AP3M1: variants seen among roughly 807,000 people sequenced by gnomAD.
AP3M1 encodes adaptor related protein complex 3 subunit mu 1.
A neutral mutation model predicts 42.6 loss-of-function variants in AP3M1; 29 were observed. The ratio of observed to expected loss-of-function variants is 0.68; its 90% CI spans 0.51 to 0.93. AP3M1 has a LOEUF of 0.93. AP3M1 is among the 40% of genes least tolerant of loss of function. The pLI, the probability that AP3M1 is intolerant of heterozygous loss-of-function variation, is 0.00. For missense variants in AP3M1, 416 were observed against 510.2 expected, an observed-to-expected ratio of 0.82 and a Z score of 1.78; for synonymous variants, 178 against 175.3, an observed-to-expected ratio of 1.02 and a Z score of -0.12.
At chr10:74,135,512 T>C (rs1306101598) in intron 3 of AP3M1, among the ~76,000 whole-genome samples, 2 of 152,216 alleles carry the variant, frequency 1.3e-5, no homozygotes, top group African/African-American at 4.8e-5. Context: ...TACATGTTTA[T>C]TTTGGAAAAT....
chr10:74,143,620 T>C (rs1335227752), intron 1 of AP3M1, among the ~76,000 whole-genome samples: 1 of 152,204 alleles, frequency 6.6e-6, no homozygotes, highest in African/African-American at 2.4e-5. Flanking sequence ...AGACACTTTA[T>C]CTCATCTTAT....
At chr10:74,125,083 C>T (rs764368348) in intron 7 of AP3M1, among the ~76,000 whole-genome samples, 43 of 152,242 alleles carry the variant, frequency 2.8e-4, no homozygotes, top group Admixed American at 2.6e-4. Flanking sequence ...CAGGTTCAAG[C>T]GATGCTCCTG....
rs563781285 is a variant in AP3M1 at position 74,149,048 on chromosome 10, T to C, written c.-4+1707A>G. Among the ~76,000 whole-genome samples, 217 of 151,594 alleles carry C rather than the reference T, an allele frequency of 1.4e-3. 1 individual carries two copies. Among genetic ancestry groups the C allele is most frequent in the Non-Finnish European group, 4.4e-4 (30 of 67,874 alleles). ...CCACCACGCCCAGATAATTTTTATA[T>C]TTTTAGTAGTGACGGGGTTTCTCCA... On this transcript the variant is annotated intron_variant, in intron 1 of 8. Coordinates refer to ENST00000355264, the MANE Select transcript of AP3M1 (RefSeq NM_012095.6).
Position 74,126,216 on chromosome 10 carries a change from G to A in AP3M1, c.943C>T (p.Pro315Ser), listed in dbSNP as rs1243700501. 1 of 1,614,148 alleles carries A rather than the reference G, an allele frequency of 6.2e-7. No homozygotes were observed. ...IEGITVTVHM[P>S]KVVLNMNLTP... ...AGGTTCATGTTCAGCACAACTTTTG[G>A]CATGTGAACTGTCACTGTAATTCCT... Residue 315 changes from proline to serine, a missense_variant, in exon 7 of 9, where the codon CCA becomes TCA. Physicochemically the swap from Pro to Ser is moderately conservative, Grantham distance 74. Transcript: ENST00000355264.
At chr10:74,133,290 A>T (rs1431565895) in intron 4 of AP3M1, among the ~76,000 whole-genome samples, 1 of 151,902 alleles carries the variant, frequency 6.6e-6, no homozygotes, top group Non-Finnish European at 1.5e-5. Flanking sequence ...GGTACTCGGG[A>T]GGCTGAGGCA....
At chr10:74,124,895 G>A (rs990700289) in intron 7 of AP3M1, among the ~76,000 whole-genome samples, 1 of 152,178 alleles carries the variant, frequency 6.6e-6, no homozygotes, top group African/African-American at 2.4e-5. Context: ...TAGTTAGTCA[G>A]AGGTAAGGCT....
chr10:74,144,365 A>T (rs560801863), intron 1 of AP3M1, among the ~76,000 whole-genome samples: 1 of 151,936 alleles, frequency 6.6e-6, no homozygotes, highest in Admixed American at 6.6e-5. Flanking sequence ...CCAGAGCCCA[A>T]GCGATCCTCC....
chr10:74,134,218 A>C (rs997438220), intron 3 of AP3M1, 54 bp from the exon 4 acceptor site: 2 of 1,541,940 alleles, frequency 1.3e-6, no homozygotes, highest in African/African-American at 2.8e-5. Context: ...GTCATGAGAA[A>C]ATTTATTACT....
chr10:74,149,787 T>C (rs1222151916), intron 1 of AP3M1, among the ~76,000 whole-genome samples: 2 of 152,162 alleles, frequency 1.3e-5, no homozygotes, highest in Non-Finnish European at 2.9e-5. Flanking sequence ...CCCAAATAGA[T>C]ATCTTGTATT....
intron 1 of AP3M1, among the ~76,000 whole-genome samples, chr10:74,142,871 G>C (rs1302833453): frequency 1.3e-5 from 2 of 152,054 alleles, no homozygotes; most frequent in African/African-American, 4.8e-5. Context: ...CCAACCATAA[G>C]ATCTGCAACT....
At chr10:74,142,053 C>T (rs144509222) in intron 1 of AP3M1, among the ~76,000 whole-genome samples, 1 of 152,210 alleles carries the variant, frequency 6.6e-6, no homozygotes, top group African/African-American at 2.4e-5. Context: ...ATGATGTTTA[C>T]AAGCTGTGTT....
chr10:74,123,761 G>A lies in AP3M1; in HGVS notation c.*49C>T, dbSNP rs374966750. 1.0e-5 allele frequency: 14 copies of A among 1,406,414 alleles called. No homozygotes were observed. Among genetic ancestry groups the A allele is most frequent in the African/African-American group, 9.9e-5 (7 of 70,640 alleles). 87.1% of individuals were successfully genotyped at this position (1,406,414 alleles called of 1,614,324 possible). On this transcript the variant is annotated 3_prime_UTR_variant, in exon 9 of 9. Transcript: ENST00000355264. ...ACTTGGTACCTAATAGTGATACATCGTAATGACACTTGGAAAACAAACTGG... is the reference window on the plus strand; with the variant it reads ...ACTTGGTACCTAATAGTGATACATCATAATGACACTTGGAAAACAAACTGG...
intron 1 of AP3M1, among the ~76,000 whole-genome samples, chr10:74,146,114 G>C (rs1010660843): frequency 2.6e-5 from 4 of 152,174 alleles, no homozygotes; most frequent in Non-Finnish European, 5.9e-5. Flanking sequence ...TTCCTACGAT[G>C]ATACAGGAAA....
At chr10:74,126,487 A>G (rs1591737135) in intron 6 of AP3M1, 132 bp from the exon 7 acceptor site, 1 of 653,644 alleles carries the variant, frequency 1.5e-6, no homozygotes, top group East Asian at 2.7e-5. Context: ...AAGGTACTAC[A>G]GAGTTGGCTC....
At chr10:74,142,319 G>C (rs1841179391) in intron 1 of AP3M1, among the ~76,000 whole-genome samples, 1 of 152,146 alleles carries the variant, frequency 6.6e-6, no homozygotes, top group South Asian at 2.1e-4. Flanking sequence ...CAGTTTCTAT[G>C]AATGAAGATA....
intron 8 of AP3M1, 67 bp downstream of exon 8, chr10:74,124,313 C>G: frequency 6.5e-7 from 1 of 1,542,896 alleles, no homozygotes; most frequent in South Asian, 1.3e-5. Flanking sequence ...TGTTACTCTT[C>G]TAAATGCCTA....
chr10:74,136,702 G>C lies in AP3M1; in HGVS notation c.375C>G (p.Thr125=), dbSNP rs368942772. 6.3e-7 allele frequency: 1 copy of C among 1,594,582 alleles called. No homozygotes were observed. Residue 125 remains threonine (T), a synonymous_variant, in exon 3 of 9, where the codon ACC becomes ACG. Transcript: ENST00000355264. ...TCAATTCTTTCAAAATGTTAGATTC[G>C]GTAGCCAGTGGAAATCCATTGTCTA... ...EMLDNGFPLA[T]ESNILKELIK... is the part of the protein sequence containing the mutation.
In AP3M1 at chr10:74,136,767, C is replaced by T. The variant is rs369372853; in HGVS notation, c.310G>A (p.Asp104Asn). 20 of 1,548,964 alleles carry T rather than the reference C, an allele frequency of 1.3e-5. No individual in the cohort carries two copies. The highest frequency in any genetic ancestry group is 1.4e-5 in the African/African-American group (1 of 73,866). The change falls in exon 3 of 9, where the codon GAT (aspartate) becomes AAT (asparagine). Residue 104 changes from aspartate (D) to asparagine (N), a missense_variant. By Grantham distance (23) the Asp-to-Asn change is conservative. Coordinates refer to ENST00000355264, the MANE Select transcript of AP3M1 (RefSeq NM_012095.6). The part of the protein sequence containing the change: ...FGECSEAAIK[D>N]NVVIVYELLE... ...AGTTCATATACTATGACCACATTAT[C>T]CTTAATTGCAGCCTCTGAACACTCA...
intron 3 of AP3M1, 116 bp from the exon 4 acceptor site, chr10:74,134,280 T>C (rs1252772004): frequency 7.2e-6 from 8 of 1,117,414 alleles, no homozygotes; most frequent in African/African-American, 3.2e-5. Flanking sequence ...AATGAAGTTG[T>C]GGATGGTCAC....
Sources: allele counts gnomAD v4.1 joint callset (sites outside exome capture counted in the v4.1 genomes callset), GRCh38; gene constraint gnomAD v4.1.1; transcripts MANE v1.5; gene names NCBI Gene and HGNC (gene_info 2026-07-23, HGNC 2026-07-21).